The following GUCY1A2 variants were observed in gnomAD, a reference collection of about 807,000 sequenced individuals.
GUCY1A2 encodes the protein guanylate cyclase soluble subunit alpha-2.
In GUCY1A2, 27 loss-of-function variants were observed where a neutral mutation model predicts 63.5. That is an observed-to-expected ratio of 0.43 (90% CI 0.31 to 0.59). GUCY1A2 has a LOEUF of 0.59. GUCY1A2 is among the 20% of genes least tolerant of loss of function. The pLI, the probability that GUCY1A2 is intolerant of heterozygous loss-of-function variation, is 0.11. For missense variants in GUCY1A2, 768 were observed against 913.3 expected, an observed-to-expected ratio of 0.84 and a Z score of 2.05; for synonymous variants, 364 against 343.5, an observed-to-expected ratio of 1.06 and a Z score of -0.66.
chr11:106,982,456 G>A (rs1861349565), intron 2 of GUCY1A2, among the ~76,000 whole-genome samples: 1 of 152,020 alleles, frequency 6.6e-6, no homozygotes, highest in African/African-American at 2.4e-5. Context: ...ATGCCCCCTT[G>A]CTCATTCTAG....
In GUCY1A2 at chr11:107,018,201, C is replaced by A. The variant is rs1398642065; in HGVS notation, c.-146G>T. The stretch of plus-strand genomic sequence containing the variant: ...GGTCGCGCCCGGCGGGGCGGGAGTC[C>A]CCGGGGCCGCGGAGCCCCCCGAGCC... On this transcript the variant is annotated 5_prime_UTR_variant, in exon 1 of 8. Coordinates refer to ENST00000526355, the MANE Select transcript of GUCY1A2 (RefSeq NM_000855.3). The A allele has an allele frequency of 4.2e-5, 11 of 258,992 alleles. No individual in the cohort carries two copies. 16.0% of individuals were successfully genotyped at this position (258,992 alleles called of 1,614,324 possible).
At chr11:106,990,980 A>T (rs1861463154) in intron 1 of GUCY1A2, among the ~76,000 whole-genome samples, 2 of 152,266 alleles carry the variant, frequency 1.3e-5, no homozygotes, top group South Asian at 2.1e-4. Flanking sequence ...AGAAACATCC[A>T]TAAAGAGCCA....
intron 6 of GUCY1A2, among the ~76,000 whole-genome samples, chr11:106,729,600 G>T (rs1388538363): frequency 6.6e-6 from 1 of 152,064 alleles, no homozygotes; most frequent in South Asian, 2.1e-4. Flanking sequence ...ACCATTTTCT[G>T]CAATGACACA....
At chr11:106,934,698 T>G (rs1484937269) in intron 4 of GUCY1A2, among the ~76,000 whole-genome samples, 1 of 152,336 alleles carries the variant, frequency 6.6e-6, no homozygotes, top group Admixed American at 6.5e-5. Flanking sequence ...AATGTGTTTT[T>G]GTTATGCTTT....
At chr11:107,008,727 A>C (rs1289174887) in intron 1 of GUCY1A2, among the ~76,000 whole-genome samples, 1 of 152,222 alleles carries the variant, frequency 6.6e-6, no homozygotes, top group Non-Finnish European at 1.5e-5. Context: ...TGGAGATGTG[A>C]GTGATAAGTT....
chr11:106,901,228 C>CCT (rs1860128622), intron 4 of GUCY1A2, among the ~76,000 whole-genome samples: 1 of 152,256 alleles, frequency 6.6e-6, no homozygotes, highest in African/African-American at 2.4e-5. Context: ...AGAATCAACT[C>CCT]CTCATATGTT....
intron 4 of GUCY1A2, chr11:106,826,786 C>A (rs963838524): frequency 1.2e-6 from 2 of 1,610,612 alleles, no homozygotes; most frequent in African/African-American, 2.7e-5. Flanking sequence ...CATCTGCTGC[C>A]AGACTGGGCT....
At chr11:106,762,448 CTTCTG>C (rs1241481368) in intron 6 of GUCY1A2, among the ~76,000 whole-genome samples, 1 of 152,034 alleles carries the variant, frequency 6.6e-6, no homozygotes, top group East Asian at 1.9e-4. Flanking sequence ...CATGATACAG[CTTCTG>C]TTAATTCATC....
intron 4 of GUCY1A2, among the ~76,000 whole-genome samples, chr11:106,920,627 ATTTG>A (rs1860429949): frequency 1.3e-5 from 2 of 152,238 alleles, no homozygotes; most frequent in Admixed American, 6.6e-5. Flanking sequence ...AAACATTTCC[ATTTG>A]TTTATCATTC....
intron 4 of GUCY1A2, among the ~76,000 whole-genome samples, chr11:106,890,281 A>G (rs547294001): frequency 4.8e-4 from 73 of 152,208 alleles, no homozygotes; most frequent in Non-Finnish European, 9.1e-4. Flanking sequence ...TTGTAATTGC[A>G]TAACCAGCAA....
intron 1 of GUCY1A2, 101 bp downstream of exon 1, chr11:107,017,652 G>T: frequency 1.7e-6 from 1 of 591,518 alleles, no homozygotes. Flanking sequence ...CCGCCCCCCA[G>T]CGGTCGGGCT....
At chr11:106,746,236 G>T (rs113011893) in intron 6 of GUCY1A2, among the ~76,000 whole-genome samples, 6 of 151,924 alleles carry the variant, frequency 3.9e-5, no homozygotes, top group African/African-American at 1.4e-4. Flanking sequence ...TTTGATTTTT[G>T]GTTCTGCCAT....
intron 7 of GUCY1A2, among the ~76,000 whole-genome samples, chr11:106,703,473 G>T (rs1862852129): frequency 6.6e-6 from 1 of 152,152 alleles, no homozygotes; most frequent in South Asian, 2.1e-4. Flanking sequence ...GTCAGTAAAA[G>T]ATATGTGATG....
chr11:106,686,522 A>G lies in GUCY1A2; in HGVS notation c.*1027T>C. On this transcript the variant is annotated 3_prime_UTR_variant, in exon 8 of 8. Coordinates refer to ENST00000526355, the MANE Select transcript of GUCY1A2 (RefSeq NM_000855.3). The stretch of plus-strand genomic sequence containing the variant: ...TATCCAGGAATTTGTTCTCAAGAAT[A>G]GCAGTCGGCTCTTAGGAGGCATCAA... 1 of 216,262 alleles carries G rather than the reference A, an allele frequency of 4.6e-6. No homozygotes were observed. Among genetic ancestry groups the G allele is most frequent in the Admixed American group, 5.8e-5 (1 of 17,222 alleles). 13.4% of individuals were successfully genotyped at this position (216,262 alleles called of 1,614,324 possible). A position where few individuals can be genotyped will look rare whatever the true frequency, so the allele number is the denominator to read the frequency against.
intron 4 of GUCY1A2, among the ~76,000 whole-genome samples, chr11:106,909,568 T>C (rs72990335): frequency 0.12 from 17,771 of 151,898 alleles, 1,385 homozygotes; most frequent in Middle Eastern, 0.21. Context: ...ACCTGTTCTT[T>C]TTTTAATTTA....
chr11:106,999,433 C>A (rs1861584636), intron 1 of GUCY1A2, among the ~76,000 whole-genome samples: 1 of 152,092 alleles, frequency 6.6e-6, no homozygotes, highest in South Asian at 2.1e-4. Flanking sequence ...AAGAGCAAAA[C>A]CATAATAAAC....
chr11:107,014,079 CTTTTTTTTTTTTTTTTTTT>C (rs71044206), intron 1 of GUCY1A2, among the ~76,000 whole-genome samples: 2 of 70,018 alleles, frequency 2.9e-5, no homozygotes, highest in Non-Finnish European at 5.1e-5. Context: ...CCATGTTTTC[CTTTTTTTTTTTTTTTTTTT>C]TTTTTTTTTG....
intron 4 of GUCY1A2, among the ~76,000 whole-genome samples, chr11:106,903,999 A>C (rs1860170137): frequency 6.6e-6 from 1 of 152,220 alleles, no homozygotes; most frequent in African/African-American, 2.4e-5. Flanking sequence ...AATAACCAGA[A>C]TTATACTCTG....
intron 5 of GUCY1A2, among the ~76,000 whole-genome samples, chr11:106,799,990 C>T (rs1864843707): frequency 6.6e-6 from 1 of 152,128 alleles, no homozygotes; most frequent in Non-Finnish European, 1.5e-5. Flanking sequence ...GCAATTTACT[C>T]ATCTGACAAA....
Sources: allele counts gnomAD v4.1 joint callset (sites outside exome capture counted in the v4.1 genomes callset), GRCh38; gene constraint gnomAD v4.1.1; transcripts MANE v1.5; gene names NCBI Gene and HGNC (gene_info 2026-07-23, HGNC 2026-07-21).